Variants in CCDC85A observed in about 807,000 individuals in gnomAD.
The protein encoded by CCDC85A is coiled-coil domain-containing protein 85A.
A neutral mutation model predicts 50.2 loss-of-function variants in CCDC85A; 38 were observed. The observed-to-expected ratio is 0.76, with a 90% CI of 0.58 to 0.99. CCDC85A has a LOEUF of 0.99. Among genes scored for constraint, CCDC85A ranks in the 50% least tolerant of loss-of-function variants. The pLI, the probability that CCDC85A is intolerant of heterozygous loss-of-function variation, is 0.00. For missense variants in CCDC85A, 820 were observed against 742.0 expected, an observed-to-expected ratio of 1.11 and a Z score of -1.22; for synonymous variants, 366 against 301.4, an observed-to-expected ratio of 1.21 and a Z score of -2.22.
chr2:56,251,180 G>T (rs772351549), intron 2 of CCDC85A, among the ~76,000 whole-genome samples: 1 of 152,174 alleles, frequency 6.6e-6, no homozygotes, highest in Non-Finnish European at 1.5e-5. Context: ...AAAGGGTATG[G>T]GTCGCTTTAG....
rs1675899301 is a variant in CCDC85A, at chr2:56,184,396, A to T, written c.-229A>T. The T allele has an allele frequency of 1.4e-5, 7 of 505,158 alleles. No homozygotes were observed. Among genetic ancestry groups the T allele is most frequent in the Non-Finnish European group, 2.0e-5 (7 of 342,848 alleles). The allele number at this position is 505,158 out of a possible 1,614,324, so 31.3% of individuals were successfully genotyped here. A position where few individuals can be genotyped will look rare whatever the true frequency, so the allele number is the denominator to read the frequency against. On this transcript the variant is annotated 5_prime_UTR_variant, in exon 1 of 6. An upstream open reading frame in the 5' UTR gains an earlier in-frame stop. Transcript: ENST00000407595. ...AGTTGGGACGGGCCTCGGCAGCAGCAAGCGGCTGGCTGCCGGGCCCTGGGG... is the reference window on the plus strand; with the variant it reads ...AGTTGGGACGGGCCTCGGCAGCAGCTAGCGGCTGGCTGCCGGGCCCTGGGG...
intron 5 of CCDC85A, chr2:56,383,914 C>T (rs1676708273): frequency 4.0e-6 from 1 of 249,892 alleles, no homozygotes; most frequent in East Asian, 1.8e-4. Context: ...CCTCACTTCT[C>T]CCAGTGAAAT....
chr2:56,334,556 G>A (rs1215841118), intron 2 of CCDC85A, among the ~76,000 whole-genome samples: 2 of 152,178 alleles, frequency 1.3e-5, no homozygotes, highest in Non-Finnish European at 2.9e-5. Context: ...GGGAAAATTT[G>A]ATATTGTAGA....
chr2:56,294,602 A>G (rs1262945564), intron 2 of CCDC85A, among the ~76,000 whole-genome samples: 1 of 152,190 alleles, frequency 6.6e-6, no homozygotes, highest in African/African-American at 2.4e-5. Context: ...CTCTATTCAG[A>G]GTTGACAATT....
intron 2 of CCDC85A, among the ~76,000 whole-genome samples, chr2:56,251,921 CTTTAAG>C (rs1040953612): frequency 1.3e-5 from 2 of 151,668 alleles, no homozygotes; most frequent in Admixed American, 1.3e-4. Flanking sequence ...TATTATTATA[CTTTAAG>C]TTTTAGGGTA....
At chr2:56,323,813 G>A (rs192624954) in intron 2 of CCDC85A, among the ~76,000 whole-genome samples, 130 of 152,136 alleles carry the variant, frequency 8.5e-4, no homozygotes, top group Admixed American at 2.1e-3. Context: ...TAGCTTGATA[G>A]CAATGATAGG....
At chr2:56,329,609 G>A (rs145477288) in intron 2 of CCDC85A, among the ~76,000 whole-genome samples, 5 of 152,088 alleles carry the variant, frequency 3.3e-5, no homozygotes, top group East Asian at 1.9e-4. Context: ...TGAGAATGTC[G>A]CTTTTCTTAT....
chr2:56,227,379 C>A (rs1668585702), intron 2 of CCDC85A, among the ~76,000 whole-genome samples: 1 of 152,076 alleles, frequency 6.6e-6, no homozygotes, highest in African/African-American at 2.4e-5. Context: ...AAAAATAATT[C>A]AAGGTTTTAT....
At chr2:56,322,938 T>G (rs1246986537) in intron 2 of CCDC85A, among the ~76,000 whole-genome samples, 3 of 152,146 alleles carry the variant, frequency 2.0e-5, no homozygotes, top group Non-Finnish European at 1.5e-5. Flanking sequence ...ATGTGGCACA[T>G]ATACACCATG....
chr2:56,184,645 CGCGGCGGCGGCTGCG>C lies in CCDC85A; in HGVS notation c.32_46del (p.Ala11_Ala15del). 7.0e-7 allele frequency: 1 copy of C among 1,438,196 alleles called. No homozygotes were observed. The highest frequency in any genetic ancestry group is 9.0e-7 in the Non-Finnish European group (1 of 1,109,146). The allele number at this position is 1,438,196 out of a possible 1,614,324, so 89.1% of individuals were successfully genotyped here. On this transcript the variant is annotated inframe_deletion, in exon 1 of 6. Transcript: ENST00000407595. ...ATACCATGTCGAAGGCGGCCGGAGGCGCGGCGGCGGCTGCGGCGGCGGCGGAAAGTTGTTCCCCAG... is the reference window on the plus strand; with the variant it reads ...ATACCATGTCGAAGGCGGCCGGAGGCGCGGCGGCGGAAAGTTGTTCCCCAG...
chr2:56,319,846 G>C (rs181135897), intron 2 of CCDC85A, among the ~76,000 whole-genome samples: 73 of 151,944 alleles, frequency 4.8e-4, no homozygotes, highest in African/African-American at 1.7e-3. Context: ...CAAGTGCAGA[G>C]ACCACATCAC....
intron 3 of CCDC85A, among the ~76,000 whole-genome samples, chr2:56,358,763 T>C (rs1161245996): frequency 6.6e-6 from 1 of 150,952 alleles, no homozygotes; most frequent in Non-Finnish European, 1.5e-5. Context: ...CTCTGGGTTA[T>C]CTCTTATATT....
At chr2:56,205,561 C>A (rs1418215829) in intron 2 of CCDC85A, among the ~76,000 whole-genome samples, 1 of 152,014 alleles carries the variant, frequency 6.6e-6, no homozygotes, top group Non-Finnish European at 1.5e-5. Context: ...CAGAGTGTGT[C>A]CTGAGATAAA....
chr2:56,355,911 C>G (rs1263357286), intron 3 of CCDC85A, among the ~76,000 whole-genome samples: 1 of 152,178 alleles, frequency 6.6e-6, no homozygotes, highest in African/African-American at 2.4e-5. Flanking sequence ...AACCCAGGAC[C>G]AGATGGGAGC....
At chr2:56,187,003 G>C (rs764748613) in intron 1 of CCDC85A, among the ~76,000 whole-genome samples, 1 of 152,106 alleles carries the variant, frequency 6.6e-6, no homozygotes, top group Non-Finnish European at 1.5e-5. Context: ...TGCAAGGAGC[G>C]GACTCCCAGG....
intron 3 of CCDC85A, among the ~76,000 whole-genome samples, chr2:56,358,456 A>G (rs1005899794): frequency 1.3e-5 from 2 of 152,194 alleles, no homozygotes; most frequent in South Asian, 2.1e-4. Flanking sequence ...AATGTCCCAG[A>G]CTATTCCAAT....
intron 2 of CCDC85A, among the ~76,000 whole-genome samples, chr2:56,231,007 G>T (rs1332429667): frequency 3.3e-5 from 5 of 152,130 alleles, no homozygotes; most frequent in African/African-American, 1.2e-4. Context: ...TTACATCTTA[G>T]TATTGCTTAG....
At chr2:56,286,622 T>G (rs1214978808) in intron 2 of CCDC85A, among the ~76,000 whole-genome samples, 1 of 152,228 alleles carries the variant, frequency 6.6e-6, no homozygotes, top group Non-Finnish European at 1.5e-5. Flanking sequence ...ATGTCCATAT[T>G]TTCCTTTAAG....
chr2:56,228,476 C>T (rs1411272128), intron 2 of CCDC85A, among the ~76,000 whole-genome samples: 1 of 152,038 alleles, frequency 6.6e-6, no homozygotes, highest in Non-Finnish European at 1.5e-5. Flanking sequence ...TATTTTCATG[C>T]AATAAAAGTC....
Sources: gnomAD v4.1 joint callset for allele counts (sites outside exome capture counted in the v4.1 genomes callset) on GRCh38, gnomAD v4.1.1 for gene constraint, MANE v1.5 for transcripts, NCBI Gene and HGNC (gene_info 2026-07-23, HGNC 2026-07-21) for gene names.